Variants in TBC1D32 observed in about 807,000 individuals in gnomAD.
TBC1D32 encodes the protein TBC1 domain family member 32.
TBC1D32 carries 151 observed loss-of-function variants against 170.3 expected under a neutral mutation model. The ratio of observed to expected loss-of-function variants is 0.89; its 90% CI spans 0.78 to 1.01. The LOEUF (loss-of-function observed/expected upper bound fraction) is 1.01, where lower values mean the gene tolerates loss of function less well. TBC1D32 is among the 50% of genes least tolerant of loss of function. TBC1D32 has a pLI of 0.00. For synonymous variants in TBC1D32, 498 were observed against 488.0 expected, an observed-to-expected ratio of 1.02 and a Z score of -0.27; for missense variants, 1,464 against 1,457.1, an observed-to-expected ratio of 1.00 and a Z score of -0.08.
intron 24 of TBC1D32, among the ~76,000 whole-genome samples, chr6:121,149,018 C>A (rs193234893): frequency 6.6e-6 from 1 of 151,476 alleles, no homozygotes; most frequent in Non-Finnish European, 1.5e-5. Flanking sequence ...TGATGATGAG[C>A]TATTTTTTTT....
chr6:121,106,215 T>C (rs935620822), intron 29 of TBC1D32, 52 bp from the exon 30 acceptor site: 8 of 1,103,800 alleles, frequency 7.2e-6, no homozygotes, highest in Non-Finnish European at 9.3e-6. Flanking sequence ...ATTTAATAAA[T>C]ATAGATCATT....
At chr6:121,137,053 C>A (rs945320271) in intron 24 of TBC1D32, among the ~76,000 whole-genome samples, 1 of 152,040 alleles carries the variant, frequency 6.6e-6, no homozygotes, top group African/African-American at 2.4e-5. Context: ...TTAAAGTATA[C>A]ATTTTTAAAA....
chr6:121,085,907 T>A (rs1258956180), intron 31 of TBC1D32, among the ~76,000 whole-genome samples: 2 of 151,950 alleles, frequency 1.3e-5, no homozygotes, highest in Admixed American at 1.3e-4. Flanking sequence ...TCAGAAACAG[T>A]ATAAGAGGGT....
At chr6:121,265,467 T>C (rs1432340893) in intron 15 of TBC1D32, among the ~76,000 whole-genome samples, 3 of 151,916 alleles carry the variant, frequency 2.0e-5, no homozygotes, top group East Asian at 3.9e-4. Flanking sequence ...ATCAACATTG[T>C]GAAAATGGCC....
intron 31 of TBC1D32, among the ~76,000 whole-genome samples, chr6:121,089,566 CT>C (rs1487697672): frequency 1.3e-5 from 2 of 152,084 alleles, no homozygotes; most frequent in Non-Finnish European, 2.9e-5. Context: ...TTTTATTTTT[CT>C]ATCTTAGTTT....
intron 22 of TBC1D32, among the ~76,000 whole-genome samples, chr6:121,188,063 T>C (rs930676852): frequency 2.0e-5 from 3 of 152,144 alleles, no homozygotes; most frequent in Non-Finnish European, 4.4e-5. Context: ...ACCAGTTTTG[T>C]CACTTTAATT....
intron 19 of TBC1D32, among the ~76,000 whole-genome samples, 156 bp from the exon 20 acceptor site, chr6:121,239,344 A>G (rs1282037683): frequency 6.6e-6 from 1 of 152,154 alleles, no homozygotes; most frequent in Non-Finnish European, 1.5e-5. Flanking sequence ...GGTAGAAATT[A>G]TATCTGCTAT....
intron 3 of TBC1D32, among the ~76,000 whole-genome samples, chr6:121,313,295 A>G (rs1443839014): frequency 8.2e-5 from 9 of 109,486 alleles, no homozygotes; most frequent in African/African-American, 1.2e-4. Context: ...TTTTTTTTTG[A>G]GACGGCATCT....
rs529044313 is a variant in TBC1D32 at position 121,251,416 on chromosome 6, T to A, written c.2018+3912A>T. On this transcript the variant is annotated intron_variant, in intron 17 of 31. Coordinates refer to ENST00000398212, the MANE Select transcript of TBC1D32 (RefSeq NM_152730.6). ...AGATAACACCACATATCCATAACCA[T>A]GTGATCTTCAACAAACCTGATAAAA... 2.6e-5 allele frequency among the ~76,000 whole-genome samples: 4 copies of A among 152,158 alleles called. No individual in the cohort carries two copies. The South Asian group carries it at 8.3e-4, about 32-fold the overall frequency.
intron 12 of TBC1D32, among the ~76,000 whole-genome samples, chr6:121,286,135 G>A (rs1803783528): frequency 6.6e-6 from 1 of 152,188 alleles, no homozygotes; most frequent in South Asian, 2.1e-4. Flanking sequence ...AAAGCTGGAT[G>A]GAGAATGACT....
chr6:121,318,149 T>C (rs774047329), intron 2 of TBC1D32, among the ~76,000 whole-genome samples: 1 of 152,046 alleles, frequency 6.6e-6, no homozygotes, highest in Non-Finnish European at 1.5e-5. Flanking sequence ...TAGCCACAAC[T>C]GAGAGCTCTT....
At chr6:121,143,316 T>G (rs1477121978) in intron 24 of TBC1D32, among the ~76,000 whole-genome samples, 3 of 152,274 alleles carry the variant, frequency 2.0e-5, no homozygotes, top group Middle Eastern at 3.4e-3. Context: ...AAATGGCCAC[T>G]TACATTTTAA....
chr6:121,332,758 G>A (rs1811374820), intron 1 of TBC1D32, among the ~76,000 whole-genome samples: 1 of 152,066 alleles, frequency 6.6e-6, no homozygotes, highest in African/African-American at 2.4e-5. Flanking sequence ...GTACTCCACT[G>A]TTTAATAAAT....
chr6:121,214,364 C>T (rs894956616), intron 21 of TBC1D32, among the ~76,000 whole-genome samples: 4 of 152,316 alleles, frequency 2.6e-5, no homozygotes, highest in African/African-American at 9.6e-5. Flanking sequence ...GTGCTCAGCT[C>T]ATGCTACCAA....
intron 17 of TBC1D32, among the ~76,000 whole-genome samples, chr6:121,252,830 A>G (rs1798472053): frequency 1.3e-5 from 2 of 152,190 alleles, no homozygotes. Flanking sequence ...GATCTTCAAC[A>G]AAGCATAAGA....
At chr6:121,098,897 A>G (rs1777714441) in intron 30 of TBC1D32, among the ~76,000 whole-genome samples, 1 of 151,932 alleles carries the variant, frequency 6.6e-6, no homozygotes, top group South Asian at 2.1e-4. Context: ...CAACATCCAA[A>G]ACATGAAGAG....
rs148389473 is a variant in TBC1D32, at chr6:121,318,725, G to GTA, written c.318-1055_318-1054dup. 1.3e-3 allele frequency among the ~76,000 whole-genome samples: 194 copies of GTA among 148,880 alleles called. 1 individual carries two copies. The highest frequency in any genetic ancestry group is 1.4e-3 in the Non-Finnish European group (96 of 67,216). ...GCAAGAAATAAACATATGTTTATGT[G>GTA]TATATATATATATACACATATATAT... On this transcript the variant is annotated intron_variant, in intron 2 of 31. Transcript: ENST00000398212.
intron 26 of TBC1D32, among the ~76,000 whole-genome samples, chr6:121,122,301 T>C (rs556577633): frequency 4.4e-4 from 67 of 152,132 alleles, no homozygotes; most frequent in African/African-American, 1.5e-3. Context: ...TCGTTTCTCT[T>C]CCTTCAGTCA....
chr6:121,137,479 T>TTA (rs1554244613), intron 24 of TBC1D32, among the ~76,000 whole-genome samples: 8 of 133,306 alleles, frequency 6.0e-5, no homozygotes, highest in African/African-American at 8.3e-5. Flanking sequence ...TGGAAGAAGG[T>TTA]AAAAAAAAAA....
Sources: allele counts gnomAD v4.1 joint callset (sites outside exome capture counted in the v4.1 genomes callset), GRCh38; gene constraint gnomAD v4.1.1; transcripts MANE v1.5; gene names NCBI Gene and HGNC (gene_info 2026-07-23, HGNC 2026-07-21).